The following CRYBB1 variants were observed in gnomAD, a reference collection of about 807,000 sequenced individuals.
The protein encoded by CRYBB1 is crystallin beta B1, also known as beta-crystallin B1.
In CRYBB1, 16 loss-of-function variants were observed where a neutral mutation model predicts 29.5. The observed-to-expected ratio is 0.54, with a 90% CI of 0.37 to 0.82. The LOEUF (loss-of-function observed/expected upper bound fraction) is 0.82. CRYBB1 is among the 40% of genes least tolerant of loss of function. The pLI is 0.00. For synonymous variants in CRYBB1, 127 were observed against 136.7 expected (o/e 0.93, Z 0.49); for missense variants, 300 against 350.5 (o/e 0.86, Z 1.15).
At chr22:26,608,948 C>T (rs1569205897) in intron 3 of CRYBB1, among the ~76,000 whole-genome samples, 1 of 151,940 alleles carries the variant, frequency 6.6e-6, no homozygotes, top group Non-Finnish European at 1.5e-5. Context: ...CCTGGCTTTC[C>T]CAGTGAAGAT....
intron 3 of CRYBB1, among the ~76,000 whole-genome samples, chr22:26,609,650 G>A (rs577935945): frequency 7.2e-5 from 11 of 152,156 alleles, no homozygotes; most frequent in South Asian, 2.1e-4. Context: ...ATCAATAGAC[G>A]AATGGGTAGA....
intron 1 of CRYBB1, among the ~76,000 whole-genome samples, chr22:26,617,300 T>C (rs547656516): frequency 2.6e-5 from 4 of 152,304 alleles, no homozygotes; most frequent in African/African-American, 9.6e-5. Context: ...AATAATGCTC[T>C]CTTTAACTTT....
intron 4 of CRYBB1, among the ~76,000 whole-genome samples, chr22:26,606,255 C>T (rs1928973625): frequency 6.6e-6 from 1 of 152,042 alleles, no homozygotes. Flanking sequence ...GGGGTCTAGG[C>T]TTTGAGATTT....
chr22:26,611,765 C>T (rs888463709), intron 3 of CRYBB1, among the ~76,000 whole-genome samples: 53 of 152,270 alleles, frequency 3.5e-4, no homozygotes, highest in Non-Finnish European at 1.5e-4. Context: ...TGAGCCACCG[C>T]GCCCGGCCGG....
intron 2 of CRYBB1, among the ~76,000 whole-genome samples, chr22:26,612,848 C>T (rs780707414): frequency 3.3e-5 from 5 of 152,198 alleles, no homozygotes; most frequent in Non-Finnish European, 5.9e-5. Context: ...GGCTCAGGTG[C>T]CACCTTCTCC....
At chr22:26,607,472 A>T (rs1352994574) in intron 4 of CRYBB1, among the ~76,000 whole-genome samples, 2 of 150,766 alleles carry the variant, frequency 1.3e-5, no homozygotes, top group Non-Finnish European at 2.9e-5. Flanking sequence ...CGGGAGGATC[A>T]CTTGAGGCCA....
intron 4 of CRYBB1, among the ~76,000 whole-genome samples, chr22:26,602,546 A>G (rs1181945961): frequency 6.6e-6 from 1 of 151,592 alleles, no homozygotes; most frequent in Non-Finnish European, 1.5e-5. Flanking sequence ...AGATATGATT[A>G]CACCACTGCA....
rs771110435 is a variant in CRYBB1, at chr22:26,605,671, C to CAAAAAAAA, written c.432+2210_432+2217dup. On this transcript the variant is annotated intron_variant, in intron 4 of 5. Coordinates refer to ENST00000647684, the MANE Select transcript of CRYBB1 (RefSeq NM_001887.4). ...CTGGGCAACAGAGTTAGATGTGTCTCAAAAAAAAAAAAAAAAAAAAAGGAA... is the reference window on the plus strand; with the variant it reads ...CTGGGCAACAGAGTTAGATGTGTCTCAAAAAAAAAAAAAAAAAAAAAAAAAAAAAGGAA... Among the ~76,000 whole-genome samples, 25 of 54,160 alleles carry CAAAAAAAA rather than the reference C, an allele frequency of 4.6e-4. 1 individual carries two copies. Among genetic ancestry groups the CAAAAAAAA allele is most frequent in the East Asian group, 1.8e-3 (3 of 1,684 alleles). The allele number at this position is 54,160 out of a possible 152,430, so 35.5% of individuals were successfully genotyped here.
At position 26,612,424 on chromosome 22, in the gene CRYBB1, G is replaced by A. The variant is rs549149381; in HGVS notation, c.181-234C>T. Among the ~76,000 whole-genome samples, 17 of 152,210 alleles carry A rather than the reference G, an allele frequency of 1.1e-4. No individual in the cohort carries two copies. In the South Asian group the frequency reaches 3.3e-3, roughly 30 times the overall value. ...GTCGCCCCAGCTGAAGTTCAGTGGC[G>A]CAATCATGGCTCACTGCAACCTCCG... On this transcript the variant is annotated intron_variant, in intron 2 of 5. Coordinates refer to ENST00000647684, the MANE Select transcript of CRYBB1 (RefSeq NM_001887.4).
At chr22:26,611,469 G>GTTTT (rs796631077) in intron 3 of CRYBB1, among the ~76,000 whole-genome samples, 1 of 133,314 alleles carries the variant, frequency 7.5e-6, no homozygotes, top group African/African-American at 2.8e-5. Context: ...TTTTTTTTTT[G>GTTTT]TTTTTTTTTT....
At chr22:26,609,158 G>T (rs4820691) in intron 3 of CRYBB1, among the ~76,000 whole-genome samples, 5 of 152,110 alleles carry the variant, frequency 3.3e-5, no homozygotes, top group African/African-American at 7.2e-5. Flanking sequence ...TCTTCTCCCA[G>T]GGGGCTGCTG....
rs143647840 is a variant in CRYBB1 at position 26,605,512 on chromosome 22, A to G, written c.432+2377T>C. Among the ~76,000 whole-genome samples, 742 of 152,106 alleles carry G rather than the reference A, an allele frequency of 4.9e-3. 3 individuals are homozygous for G. The highest frequency in any genetic ancestry group is 0.017 in the African/African-American group (714 of 41,484). ...AACATGATGAAACCCTGTCTCTATA[A>G]AAAATACAAAAATTATCTGGGCGTG... On this transcript the variant is annotated intron_variant, in intron 4 of 5. Coordinates refer to ENST00000647684, the MANE Select transcript of CRYBB1 (RefSeq NM_001887.4).
intron 3 of CRYBB1, among the ~76,000 whole-genome samples, chr22:26,609,027 A>C (rs1412745020): frequency 6.6e-6 from 1 of 152,174 alleles, no homozygotes; most frequent in Admixed American, 6.5e-5. Flanking sequence ...TGGGGTAGAT[A>C]AGACAATCCC....
Position 26,616,251 on chromosome 22 carries a change from C to G in CRYBB1, c.69G>C (p.Gly23=). The G allele has an allele frequency of 6.2e-7, 1 of 1,614,090 alleles. No homozygotes were observed. The highest frequency in any genetic ancestry group is 1.7e-5 in the Admixed American group (1 of 60,022). The change falls in exon 2 of 6, where the codon GGG becomes GGC. Residue 23 remains glycine (G), a synonymous_variant. Transcript: ENST00000647684. The part of the protein sequence containing the change: ...VAVNPGPDTK[G]KGAPPAGTSP... ...ATGTTCCTGCAGGTGGGGCCCCCTT[C>G]CCCTTGGTGTCAGGCCCTGGGTTCA...
chr22:26,615,084 A>G (rs1253272949), intron 2 of CRYBB1, among the ~76,000 whole-genome samples: 1 of 152,214 alleles, frequency 6.6e-6, no homozygotes. Context: ...ATTATTAGAA[A>G]TTAAATAAAA....
intron 4 of CRYBB1, 23 bp from the exon 5 acceptor site, chr22:26,602,044 A>AG: frequency 6.2e-7 from 1 of 1,612,498 alleles, no homozygotes; most frequent in Non-Finnish European, 8.5e-7. Flanking sequence ...AGGCCGGGTC[A>AG]GGTGTGTGAA....
At chr22:26,604,240 T>G (rs1022292147) in intron 4 of CRYBB1, among the ~76,000 whole-genome samples, 11 of 152,372 alleles carry the variant, frequency 7.2e-5, no homozygotes, top group Non-Finnish European at 1.5e-4. Flanking sequence ...AGGCCAGTCA[T>G]TTTCTACTTC....
intron 1 of CRYBB1, 135 bp from the exon 2 acceptor site, chr22:26,616,473 GT>G: frequency 3.0e-6 from 2 of 674,668 alleles, no homozygotes; most frequent in South Asian, 1.7e-5. Context: ...AAGCCTGGAA[GT>G]TTTTCTTTCA....
intron 5 of CRYBB1, among the ~76,000 whole-genome samples, chr22:26,599,969 G>T (rs1186217348): frequency 6.6e-6 from 1 of 152,228 alleles, no homozygotes; most frequent in African/African-American, 2.4e-5. Context: ...TGTTGCCTGT[G>T]CATGGTAGGA....
Sources: gnomAD v4.1 joint callset for allele counts (sites outside exome capture counted in the v4.1 genomes callset) on GRCh38, gnomAD v4.1.1 for gene constraint, MANE v1.5 for transcripts, NCBI Gene and HGNC (gene_info 2026-07-23, HGNC 2026-07-21) for gene names.